Variants in TNIP1 observed in about 807,000 individuals in gnomAD.
The protein encoded by TNIP1 is TNFAIP3 interacting protein 1, also known as TNFAIP3-interacting protein 1.
A neutral mutation model predicts 86.6 loss-of-function variants in TNIP1; 22 were observed. The observed-to-expected ratio is 0.25, with a 90% CI of 0.18 to 0.36. The LOEUF (loss-of-function observed/expected upper bound fraction) is 0.36. Ranked by LOEUF, TNIP1 falls within the 10% of genes least tolerant of loss-of-function variation. The pLI is 1.00. For synonymous variants in TNIP1, 294 were observed against 313.0 expected, an observed-to-expected ratio of 0.94 and a Z score of 0.64; for missense variants, 709 against 820.6, an observed-to-expected ratio of 0.86 and a Z score of 1.66.
intron 3 of TNIP1, among the ~76,000 whole-genome samples, chr5:151,062,805 T>C (rs1761749405): frequency 6.6e-6 from 1 of 152,248 alleles, no homozygotes; most frequent in Admixed American, 6.5e-5. Flanking sequence ...AAATGCCCAC[T>C]GACTGCAGCA....
chr5:151,031,150 G>A (rs1756833617), intron 17 of TNIP1, among the ~76,000 whole-genome samples: 1 of 152,048 alleles, frequency 6.6e-6, no homozygotes, highest in Admixed American at 6.5e-5. Flanking sequence ...GGTTCTTCAG[G>A]GAAAAACAGA....
intron 13 of TNIP1, 77 bp downstream of exon 13, chr5:151,036,713 C>A: frequency 6.2e-7 from 1 of 1,605,346 alleles, no homozygotes; most frequent in Non-Finnish European, 8.5e-7. Flanking sequence ...CCATGTGATT[C>A]CAAGCCGTCT....
chr5:151,036,792 G>A lies in TNIP1; in HGVS notation c.1393C>T (p.Gln465Ter). 1 of 1,613,978 alleles carries A rather than the reference G, an allele frequency of 6.2e-7. No individual in the cohort carries two copies. Among genetic ancestry groups the A allele is most frequent in the Non-Finnish European group, 8.5e-7 (1 of 1,179,890 alleles). The change falls in exon 13 of 18, where the codon CAG becomes TAG. Residue 465 changes from glutamine (Q) to a stop codon, truncating the protein, a stop_gained and splice_region_variant. Coordinates refer to ENST00000521591, the MANE Select transcript of TNIP1 (RefSeq NM_006058.5). LOFTEE classifies it high-confidence loss of function. Reference protein sequence around the residue: ...LVTQNELLKQQVKIFEEDFQR... With the variant: ...LVTQNELLKQ ...TGATTTCCTCCCGGAAGCCTCACCT[G>A]CTGTTTCAGCAACTCATTCTGCGTG... is the stretch of plus-strand genomic sequence containing the variant.
rs774238333 is a variant in TNIP1 at position 151,035,656 on chromosome 5, T to C, written c.1447A>G (p.Met483Val). The part of the protein sequence containing the change: ...FQRERSDRER[M>V]NEEKEELKKQ... ...TTCAGCTCTTCCTTCTCCTCATTCA[T>C]GCGCTCACGATCACTGCGCTCCCTC... The change falls in exon 14 of 18, where the codon ATG (methionine) becomes GTG (valine). Residue 483 changes from methionine (M) to valine (V), a missense_variant. Transcript: ENST00000521591. 5.6e-6 allele frequency: 9 copies of C among 1,614,080 alleles called. No homozygotes were observed. The highest frequency in any genetic ancestry group is 7.6e-6 in the Non-Finnish European group (9 of 1,180,050).
intron 5 of TNIP1, among the ~76,000 whole-genome samples, chr5:151,057,269 C>A (rs530380646): frequency 1.3e-5 from 2 of 152,204 alleles, no homozygotes; most frequent in Non-Finnish European, 2.9e-5. Context: ...ACCAAATGTC[C>A]GCACAACCCT....
At chr5:151,046,060 C>G (rs1423338364) in intron 8 of TNIP1, 110 bp from the exon 9 acceptor site, 2 of 870,796 alleles carry the variant, frequency 2.3e-6, no homozygotes, top group African/African-American at 3.3e-5. Context: ...CCCTCTGTCT[C>G]CCTATTCCTC....
At chr5:151,050,069 G>A in intron 7 of TNIP1, 122 bp from the exon 8 acceptor site, 1 of 1,495,362 alleles carries the variant, frequency 6.7e-7, no homozygotes, top group Non-Finnish European at 9.0e-7. Flanking sequence ...GCAGGATCCT[G>A]AAACCTGCCC....
At position 151,070,422 on chromosome 5, in the gene TNIP1, T is replaced by A. The variant is rs191870008; in HGVS notation, c.-36-5291A>T. 1.7e-3 allele frequency among the ~76,000 whole-genome samples: 253 copies of A among 152,330 alleles called. 1 individual carries two copies. The highest frequency in any genetic ancestry group is 9.0e-4 in the Non-Finnish European group (61 of 68,024). On this transcript the variant is annotated intron_variant, in intron 1 of 17. Coordinates refer to ENST00000521591, the MANE Select transcript of TNIP1 (RefSeq NM_006058.5). ...TTTCCCCATTTGTTCTCTCCTTTAA[T>A]GGGATTTTAGGCTCTTCCGTCAGCT...
chr5:151,052,054 G>C, intron 7 of TNIP1, 111 bp downstream of exon 7: 1 of 885,466 alleles, frequency 1.1e-6, no homozygotes, highest in Non-Finnish European at 1.7e-6. Flanking sequence ...ATAGGGCTCT[G>C]GGCACAGGGC....
chr5:151,041,434 A>G (rs973673649), intron 11 of TNIP1, among the ~76,000 whole-genome samples: 3 of 152,348 alleles, frequency 2.0e-5, no homozygotes, highest in Admixed American at 6.5e-5. Context: ...GCAGTGGCAC[A>G]ATCACAGCTC....
intron 1 of TNIP1, among the ~76,000 whole-genome samples, chr5:151,077,299 T>G (rs944811260): frequency 6.6e-6 from 1 of 152,214 alleles, no homozygotes; most frequent in African/African-American, 2.4e-5. Context: ...GGGATTACGT[T>G]TCCAAGATAT....
chr5:151,085,951 C>T (rs751181717), upstream of TNIP1, among the ~76,000 whole-genome samples: 4 of 152,216 alleles, frequency 2.6e-5, no homozygotes, highest in Non-Finnish European at 5.9e-5. Flanking sequence ...TTCTATGGCC[C>T]CTCCCCGCTC....
chr5:151,056,280 T>C (rs1006732865), intron 6 of TNIP1, among the ~76,000 whole-genome samples: 3 of 152,128 alleles, frequency 2.0e-5, no homozygotes, highest in Admixed American at 1.3e-4. Flanking sequence ...GGGAGGCAGG[T>C]TGGGATGGTG....
At chr5:151,083,083 G>A (rs891625699), upstream of TNIP1, among the ~76,000 whole-genome samples, 1 of 152,318 alleles carries the variant, frequency 6.6e-6, no homozygotes, top group East Asian at 1.9e-4. Context: ...TCTTTACAAT[G>A]ACATGATTTT....
intron 4 of TNIP1, among the ~76,000 whole-genome samples, chr5:151,061,602 C>T (rs1761577731): frequency 6.6e-6 from 1 of 152,106 alleles, no homozygotes; most frequent in South Asian, 2.1e-4. Flanking sequence ...CTCAGCCAGC[C>T]TCCCAAGTAG....
intron 8 of TNIP1, 26 bp downstream of exon 8, chr5:151,049,798 T>A: frequency 6.2e-7 from 1 of 1,613,896 alleles, no homozygotes; most frequent in Non-Finnish European, 8.5e-7. Flanking sequence ...CCAAGGATGC[T>A]ACAGAAGGAA....
intron 1 of TNIP1, among the ~76,000 whole-genome samples, chr5:151,086,264 A>T (rs1282747817): frequency 6.6e-6 from 1 of 152,204 alleles, no homozygotes; most frequent in East Asian, 1.9e-4. Flanking sequence ...TTAAACTAAA[A>T]TTAAATAGAA....
chr5:151,076,931 C>G (rs1763461926), intron 1 of TNIP1, among the ~76,000 whole-genome samples: 1 of 152,196 alleles, frequency 6.6e-6, no homozygotes, highest in African/African-American at 2.4e-5. Flanking sequence ...TGAGACAAAG[C>G]AAAGGACAAC....
intron 3 of TNIP1, among the ~76,000 whole-genome samples, chr5:151,063,129 G>A (rs191072581): frequency 4.7e-4 from 71 of 152,294 alleles, no homozygotes; most frequent in Non-Finnish European, 3.5e-4. Flanking sequence ...TCTGAAATAC[G>A]CTGCAGCAGG....
Sources: gnomAD v4.1 joint callset for allele counts (sites outside exome capture counted in the v4.1 genomes callset) on GRCh38, gnomAD v4.1.1 for gene constraint, MANE v1.5 for transcripts, NCBI Gene and HGNC (gene_info 2026-07-23, HGNC 2026-07-21) for gene names.